The following MYO7B variants were observed in gnomAD, a reference collection of about 807,000 sequenced individuals.
The protein encoded by MYO7B is myosin VIIB.
MYO7B carries 212 observed loss-of-function variants against 259.7 expected under a neutral mutation model. The ratio of observed to expected loss-of-function variants is 0.82; its 90% CI spans 0.73 to 0.91. The LOEUF (loss-of-function observed/expected upper bound fraction) is 0.91. Among genes scored for constraint, MYO7B ranks in the 40% least tolerant of loss-of-function variants. The pLI, the probability that MYO7B is intolerant of heterozygous loss-of-function variation, is 0.00. For synonymous variants in MYO7B, 1,197 were observed against 1,166.4 expected (o/e 1.03, Z -0.54); for missense variants, 2,732 against 2,813.5 (o/e 0.97, Z 0.66).
intron 3 of MYO7B, 39 bp from the exon 4 acceptor site, chr2:127,565,194 G>T (rs1407135457): frequency 6.3e-7 from 1 of 1,592,056 alleles, no homozygotes; most frequent in Non-Finnish European, 8.6e-7. Flanking sequence ...CATGGGGATG[G>T]AGGCCACCCC....
rs200761772 is a variant in MYO7B at position 127,607,258 on chromosome 2, C to T, written c.2477C>T (p.Ala826Val). The T allele has an allele frequency of 2.1e-5, 33 of 1,550,834 alleles. No homozygotes were observed. The highest frequency in any genetic ancestry group is 5.5e-5 in the African/African-American group (4 of 73,080). The change falls in exon 21 of 48, where the codon GCG becomes GTG. Residue 826 changes from alanine (A) to valine (V), a missense_variant. By Grantham distance (64) the Ala-to-Val change is moderately conservative. This residue lies in a region of MYO7B where 1,906 missense variants were observed against 2,026.4 expected (regional missense o/e 0.94). Coordinates refer to ENST00000409816, the MANE Select transcript of MYO7B (RefSeq NM_001393586.1). The surrounding 1 kb of genome is among the most constrained non-coding windows in gnomAD (Gnocchi z 4.4). ...LQAIARSQPL[A>V]RQYQAMRQRT... ...GCTATTGCCCGGAGCCAGCCGCTGG[C>T]GAGGCAGTACCAGGCCATGCGGCAG...
At chr2:127,572,962 ATTCT>A in intron 6 of MYO7B, among the ~76,000 whole-genome samples, 1 of 151,440 alleles carries the variant, frequency 6.6e-6, no homozygotes, top group Non-Finnish European at 1.5e-5. Context: ...CCTGCATCAG[ATTCT>A]TTCTTAAAGA....
rs1474692277 is a variant in MYO7B at position 127,633,259 on chromosome 2, AC to A, written c.5408del (p.Thr1803ArgfsTer87). 5 of 1,608,068 alleles carry A rather than the reference AC, an allele frequency of 3.1e-6. No individual in the cohort carries two copies. Among genetic ancestry groups the A allele is most frequent in the Non-Finnish European group, 3.4e-6 (4 of 1,177,988 alleles). On this transcript the variant is annotated frameshift_variant and splice_region_variant, in exon 40 of 48. Transcript: ENST00000409816. LOFTEE classifies it high-confidence loss of function. ...CSRRIQKVLR[T>X]GPRKQPPHQV... The stretch of plus-strand genomic sequence containing the variant: ...TGCAGCACACGCTGTCCCCCTCAGG[AC>A]GGGGCCCCGGAAGCAGCCCCCGCAC...
chr2:127,630,755 C>G, intron 35 of MYO7B, 23 bp from the exon 36 acceptor site: 1 of 1,611,488 alleles, frequency 6.2e-7, no homozygotes, highest in Non-Finnish European at 8.5e-7. Flanking sequence ...TCCTGGGCAC[C>G]CACAGGCCTG....
At chr2:127,618,858 C>T (rs1017321863) in intron 26 of MYO7B, among the ~76,000 whole-genome samples, 4 of 152,144 alleles carry the variant, frequency 2.6e-5, no homozygotes, top group African/African-American at 4.8e-5. Flanking sequence ...GGCTGGGAGG[C>T]CAGGCAGGGC....
intron 1 of MYO7B, among the ~76,000 whole-genome samples, chr2:127,553,936 A>G (rs1693545614): frequency 1.3e-5 from 2 of 152,228 alleles, no homozygotes; most frequent in Admixed American, 6.5e-5. Context: ...TGTCCCTTGT[A>G]TGCCGATTTT....
Position 127,634,658 on chromosome 2 carries a change from G to A in MYO7B, c.5688G>A (p.Val1896=), listed in dbSNP as rs764340166. Residue 1896 remains valine, a synonymous_variant, in exon 42 of 48, where the codon GTG becomes GTA. Coordinates refer to ENST00000409816, the MANE Select transcript of MYO7B (RefSeq NM_001393586.1). ...CCTTGAGGGAGGTGTCTGACTGGGTGAAGAAGAACAAGCCCCAGAAAGAAG... is the reference window on the plus strand; with the variant it reads ...CCTTGAGGGAGGTGTCTGACTGGGTAAAGAAGAACAAGCCCCAGAAAGAAG... The part of the protein sequence containing the change: ...FDSLREVSDW[V]KKNKPQKEGA... 6.2e-7 allele frequency: 1 copy of A among 1,611,374 alleles called. No individual in the cohort carries two copies. The highest frequency in any genetic ancestry group is 8.5e-7 in the Non-Finnish European group (1 of 1,179,378).
chr2:127,596,235 A>G lies in MYO7B; in HGVS notation c.2245-227A>G, dbSNP rs117393994. On this transcript the variant is annotated intron_variant, in intron 18 of 47. Coordinates refer to ENST00000409816, the MANE Select transcript of MYO7B (RefSeq NM_001393586.1). ...GAAATAAAGGATGCCAGATTGAATTAGCAAGAAGAAAGAGCTAATGTGGGA... is the reference window on the plus strand; with the variant it reads ...GAAATAAAGGATGCCAGATTGAATTGGCAAGAAGAAAGAGCTAATGTGGGA... Among the ~76,000 whole-genome samples, 31 of 152,366 alleles carry G rather than the reference A, an allele frequency of 2.0e-4. No homozygotes were observed. In the East Asian group the frequency reaches 6.0e-3, roughly 29 times the overall value.
chr2:127,628,386 G>T lies in MYO7B; in HGVS notation c.4475G>T (p.Gly1492Val). Residue 1492 changes from glycine to valine, a missense_variant, in exon 34 of 48, where the codon GGG (glycine) becomes GTG (valine). Physicochemically the swap from Gly to Val is moderately radical, Grantham distance 109 (BLOSUM62 -3). Coordinates refer to ENST00000409816, the MANE Select transcript of MYO7B (RefSeq NM_001393586.1). This position sits in a 1 kb window ranked among gnomAD's most constrained non-coding sequence, Gnocchi z 4.8. ...GLATNREAQG[G>V]QRLLLSTMHE... ...TTCATCTCCAGGGAGGCCCAGGGCGGGCAGAGGCTGCTGCTCTCCACGATG... is the reference window on the plus strand; with the variant it reads ...TTCATCTCCAGGGAGGCCCAGGGCGTGCAGAGGCTGCTGCTCTCCACGATG... 2 of 1,600,762 alleles carry T rather than the reference G, an allele frequency of 1.2e-6. No homozygotes were observed. The highest frequency in any genetic ancestry group is 1.7e-6 in the Non-Finnish European group (2 of 1,175,874).
intron 7 of MYO7B, among the ~76,000 whole-genome samples, chr2:127,575,684 G>A (rs771187323): frequency 4.8e-4 from 73 of 152,248 alleles, no homozygotes; most frequent in Non-Finnish European, 8.7e-4. Flanking sequence ...TTAAGAAAGG[G>A]GAAGGCAGGA....
Position 127,592,844 on chromosome 2 carries a change from G to A in MYO7B, c.2043G>A (p.Met681Ile), listed in dbSNP as rs1292777214. ...GGCAGCTGCGATACTCGGGCATGAT[G>A]GAGACCGTGCACATCCGCAAGTCGG... ...CLRQLRYSGM[M>I]ETVHIRKSGF... Residue 681 changes from methionine (M) to isoleucine (I), a missense_variant, in exon 17 of 48, where the codon ATG (methionine) becomes ATA (isoleucine). Physicochemically the swap from Met to Ile is conservative, Grantham distance 10 (BLOSUM62 1). This residue lies in a region of MYO7B where 1,906 missense variants were observed against 2,026.4 expected (regional missense o/e 0.94). Transcript: ENST00000409816. 6.2e-7 allele frequency: 1 copy of A among 1,610,680 alleles called. No homozygotes were observed. The highest frequency in any genetic ancestry group is 8.5e-7 in the Non-Finnish European group (1 of 1,179,120).
chr2:127,571,442 G>GTTTTTTTTTTTTTTTTTTT, intron 6 of MYO7B, among the ~76,000 whole-genome samples: 481 of 41,468 alleles, frequency 0.012, 40 homozygotes, highest in East Asian at 0.038. Flanking sequence ...TTACCAGTGA[G>GTTTTTTTTTTTTTTTTTTT]TTTTTTTTTT....
At chr2:127,625,317 G>A in intron 30 of MYO7B, 51 bp from the exon 31 acceptor site, 10 of 1,448,028 alleles carry the variant, frequency 6.9e-6, no homozygotes, top group Non-Finnish European at 9.1e-6. Flanking sequence ...TGGGGAAGGG[G>A]GGAGCTCTCA....
intron 1 of MYO7B, among the ~76,000 whole-genome samples, chr2:127,536,701 T>TGAAC (rs1231942069): frequency 6.6e-6 from 1 of 152,198 alleles, no homozygotes; most frequent in Non-Finnish European, 1.5e-5. Flanking sequence ...CAGGCTCCAC[T>TGAAC]TTGTAACCCT....
chr2:127,576,696 C>G lies in MYO7B; in HGVS notation c.837C>G (p.His279Gln). The change falls in exon 8 of 48, where the codon CAC (histidine) becomes CAG (glutamine). Residue 279 changes from histidine to glutamine, a missense_variant. By Grantham distance (24) the His-to-Gln change is conservative (BLOSUM62 0). This residue lies in a region of MYO7B where 1,906 missense variants were observed against 2,026.4 expected (regional missense o/e 0.94). Transcript: ENST00000409816. This position sits in a 1 kb window ranked among gnomAD's most constrained non-coding sequence, Gnocchi z 4.9. The stretch of plus-strand genomic sequence containing the variant: ...GCCTGGGCACGCCCTCCGAGTACCA[C>G]TACCTGACCATGGTGAGCTGCCCAC... ...LLSLGTPSEY[H>Q]YLTMGNCTSC... 6.2e-7 allele frequency: 1 copy of G among 1,603,282 alleles called. No homozygotes were observed. The highest frequency in any genetic ancestry group is 8.5e-7 in the Non-Finnish European group (1 of 1,171,272).
Position 127,607,221 on chromosome 2 carries a change from G to A in MYO7B, c.2440G>A (p.Glu814Lys). 1 of 1,549,208 alleles carries A rather than the reference G, an allele frequency of 6.5e-7. No individual in the cohort carries two copies. Among genetic ancestry groups the A allele is most frequent in the Non-Finnish European group, 8.7e-7 (1 of 1,146,482 alleles). The change falls in exon 21 of 48, where the codon GAG becomes AAG. Residue 814 changes from glutamate to lysine, a missense_variant. Physicochemically the swap from Glu to Lys is moderately conservative, Grantham distance 56. This residue lies in a region of MYO7B where 1,906 missense variants were observed against 2,026.4 expected (regional missense o/e 0.94). Coordinates refer to ENST00000409816, the MANE Select transcript of MYO7B (RefSeq NM_001393586.1). This position sits in a 1 kb window ranked among gnomAD's most constrained non-coding sequence, Gnocchi z 4.4. ...GCCTCCGCAGATCCTCGTGGGCTTT[G>A]AGCGCCTGCAGGCTATTGCCCGGAG... ...RNFKLILVGFERLQAIARSQP... is the reference protein window; with the variant it reads ...RNFKLILVGFKRLQAIARSQP...
intron 5 of MYO7B, 43 bp from the exon 6 acceptor site, chr2:127,569,746 T>C: frequency 6.3e-7 from 1 of 1,576,000 alleles, no homozygotes; most frequent in South Asian, 1.2e-5. Context: ...TTGAAAAAAA[T>C]AGTCGTTTTG....
chr2:127,633,590 C>G (rs900061930), intron 40 of MYO7B, among the ~76,000 whole-genome samples: 3 of 152,172 alleles, frequency 2.0e-5, no homozygotes, highest in Non-Finnish European at 2.9e-5. Context: ...GATCCAGGCC[C>G]AGGACACAGG....
rs143284619 is a variant in MYO7B at position 127,594,529 on chromosome 2, C to T, written c.2244+885C>T. Among the ~76,000 whole-genome samples, 533 of 152,296 alleles carry T rather than the reference C, an allele frequency of 3.5e-3. 5 individuals are homozygous for T. The highest frequency in any genetic ancestry group is 0.012 in the African/African-American group (501 of 41,564). ...TCTGGGTCTCAGAGGCTAAGATGCG[C>T]GGGAAGAAGCAGAGTGGCTTCCAAT... is the stretch of plus-strand genomic sequence containing the variant. On this transcript the variant is annotated intron_variant, in intron 18 of 47. Coordinates refer to ENST00000409816, the MANE Select transcript of MYO7B (RefSeq NM_001393586.1).
Sources: allele counts gnomAD v4.1 joint callset (sites outside exome capture counted in the v4.1 genomes callset), GRCh38; gene constraint gnomAD v4.1.1; regional missense constraint gnomAD v4.1.1; non-coding constraint Gnocchi (gnomAD v3.1); transcripts MANE v1.5; gene names NCBI Gene and HGNC (gene_info 2026-07-23, HGNC 2026-07-21).